ERBB4: variants seen among roughly 807,000 people sequenced by gnomAD.
The protein encoded by ERBB4 is receptor tyrosine-protein kinase erbB-4.
ERBB4 carries 42 observed loss-of-function variants against 158.0 expected under a neutral mutation model. That is an observed-to-expected ratio of 0.27 (90% CI 0.21 to 0.34). The LOEUF (loss-of-function observed/expected upper bound fraction) is 0.34. Ranked by LOEUF, ERBB4 falls within the 10% of genes least tolerant of loss-of-function variation. The pLI is 1.00. For synonymous variants in ERBB4, 583 were observed against 558.7 expected (o/e 1.04, Z -0.61); for missense variants, 1,333 against 1,624.1 (o/e 0.82, Z 3.08).
chr2:211,564,780 G>C (rs2067500408), intron 19 of ERBB4, among the ~76,000 whole-genome samples: 1 of 152,110 alleles, frequency 6.6e-6, no homozygotes, highest in South Asian at 2.1e-4. Context: ...TAGAATAAAA[G>C]CTATACAACA....
intron 1 of ERBB4, among the ~76,000 whole-genome samples, chr2:212,180,111 T>C (rs182816760): frequency 6.6e-6 from 1 of 151,720 alleles, no homozygotes; most frequent in East Asian, 1.9e-4. Context: ...CCAAAATAAT[T>C]GGTTTTGCTG....
chr2:212,327,820 C>A lies in ERBB4; in HGVS notation c.83-202917G>T, dbSNP rs189737989. Among the ~76,000 whole-genome samples, 275 of 139,852 alleles carry A rather than the reference C, an allele frequency of 2.0e-3. 2 individuals carry two copies. The highest frequency in any genetic ancestry group is 7.0e-3 in the African/African-American group (265 of 37,714). 91.7% of individuals were successfully genotyped at this position (139,852 alleles called of 152,430 possible). On this transcript the variant is annotated intron_variant, in intron 1 of 27. Transcript: ENST00000342788. ...GTCATAAAAATTATTGGATTGTACA[C>A]TTAAAAAGCATAGATTTTATATGTA...
intron 3 of ERBB4, among the ~76,000 whole-genome samples, chr2:211,891,669 TAAAG>T (rs1319278456): frequency 2.5e-5 from 3 of 121,142 alleles, no homozygotes; most frequent in Non-Finnish European, 5.1e-5. Context: ...GCAAGACTAA[TAAAG>T]AAAAAAAGAG....
intron 19 of ERBB4, among the ~76,000 whole-genome samples, chr2:211,610,342 T>C (rs2069147169): frequency 6.6e-6 from 1 of 152,316 alleles, no homozygotes; most frequent in Non-Finnish European, 1.5e-5. Context: ...CAGGACTTTA[T>C]GCAGATAGTC....
chr2:212,142,447 T>C (rs931027963), intron 1 of ERBB4, among the ~76,000 whole-genome samples: 1 of 151,732 alleles, frequency 6.6e-6, no homozygotes, highest in Non-Finnish European at 1.5e-5. Flanking sequence ...ACCCAAATGT[T>C]ATTTCTGATG....
chr2:212,091,073 T>C (rs1474356159), intron 2 of ERBB4, among the ~76,000 whole-genome samples: 1 of 152,054 alleles, frequency 6.6e-6, no homozygotes, highest in Non-Finnish European at 1.5e-5. Context: ...AAACTGACAA[T>C]GACACATACC....
intron 1 of ERBB4, among the ~76,000 whole-genome samples, chr2:212,208,376 T>C (rs1310472648): frequency 6.6e-6 from 1 of 152,126 alleles, no homozygotes; most frequent in Non-Finnish European, 1.5e-5. Flanking sequence ...TCTTAGTATA[T>C]AATACTATAC....
intron 1 of ERBB4, among the ~76,000 whole-genome samples, chr2:212,535,673 T>C (rs1162651569): frequency 6.6e-6 from 1 of 152,214 alleles, no homozygotes; most frequent in Non-Finnish European, 1.5e-5. Flanking sequence ...GGCTTTATAA[T>C]TGCCATATAA....
Position 211,861,124 on chromosome 2 carries a change from T to TTATATA in ERBB4, c.422-72971_422-72966dup, listed in dbSNP as rs143515103. On this transcript the variant is annotated intron_variant, in intron 3 of 27. Coordinates refer to ENST00000342788, the MANE Select transcript of ERBB4 (RefSeq NM_005235.3). ...CATTATATATATTTATATATATATTTTATATATATATATATATATATATAT... is the reference window on the plus strand; with the variant it reads ...CATTATATATATTTATATATATATTTTATATATATATATATATATATATATATATAT... Among the ~76,000 whole-genome samples, 76 of 20,258 alleles carry TTATATA rather than the reference T, an allele frequency of 3.8e-3. 3 individuals are homozygous for TTATATA. Among genetic ancestry groups the TTATATA allele is most frequent in the African/African-American group, 6.4e-3 (28 of 4,396 alleles). 13.3% of individuals were successfully genotyped at this position (20,258 alleles called of 152,430 possible).
Position 211,676,940 on chromosome 2 carries a change from C to G in ERBB4, c.1622+2112G>C, listed in dbSNP as rs548312940. Among the ~76,000 whole-genome samples the G allele has an allele frequency of 3.4e-4, 52 of 152,206 alleles. 1 individual carries two copies. In the South Asian group the frequency reaches 0.011, roughly 31 times the overall value. On this transcript the variant is annotated intron_variant, in intron 13 of 27. Coordinates refer to ENST00000342788, the MANE Select transcript of ERBB4 (RefSeq NM_005235.3). ...AAATATGATTCAATGAGACAAGCAG[C>G]AAATAATTTCCAATTCATTTCCAAA...
At chr2:211,987,724 T>C (rs956803827) in intron 2 of ERBB4, among the ~76,000 whole-genome samples, 1 of 152,200 alleles carries the variant, frequency 6.6e-6, no homozygotes, top group Non-Finnish European at 1.5e-5. Flanking sequence ...TTGTTTCTCA[T>C]TTATTTCCAA....
At chr2:211,953,299 G>A (rs745937722) in intron 2 of ERBB4, among the ~76,000 whole-genome samples, 1 of 151,500 alleles carries the variant, frequency 6.6e-6, no homozygotes, top group African/African-American at 2.4e-5. Flanking sequence ...CGGGTTGATG[G>A]GTACAGCAAA....
intron 1 of ERBB4, among the ~76,000 whole-genome samples, chr2:212,388,058 A>C (rs1202290504): frequency 6.6e-6 from 1 of 152,124 alleles, no homozygotes; most frequent in African/African-American, 2.4e-5. Context: ...ATATGCCGTT[A>C]GAGAGAATAT....
At chr2:212,239,896 A>T (rs150459858) in intron 1 of ERBB4, among the ~76,000 whole-genome samples, 1 of 152,332 alleles carries the variant, frequency 6.6e-6, no homozygotes, top group East Asian at 1.9e-4. Flanking sequence ...ATCAAGTTAA[A>T]TCGAAAATAT....
At chr2:211,875,423 C>T (rs1170028047) in intron 3 of ERBB4, among the ~76,000 whole-genome samples, 1 of 151,748 alleles carries the variant, frequency 6.6e-6, no homozygotes, top group Non-Finnish European at 1.5e-5. Context: ...CTTTATTTGC[C>T]CTTTTAGAAT....
At chr2:211,952,006 T>C (rs1222243335) in intron 2 of ERBB4, among the ~76,000 whole-genome samples, 1 of 151,940 alleles carries the variant, frequency 6.6e-6, no homozygotes, top group South Asian at 2.1e-4. Context: ...ATGTAAATAA[T>C]AGAAAAAAAA....
chr2:212,443,245 C>T (rs368833861), intron 1 of ERBB4, among the ~76,000 whole-genome samples: 2 of 152,214 alleles, frequency 1.3e-5, no homozygotes, highest in East Asian at 3.9e-4. Context: ...CACTTTTCAT[C>T]TCCACAAGAT....
At chr2:211,913,637 G>A (rs1483987260) in intron 3 of ERBB4, among the ~76,000 whole-genome samples, 8 of 137,074 alleles carry the variant, frequency 5.8e-5, no homozygotes, top group African/African-American at 1.8e-4. Flanking sequence ...GTGTGTGTGT[G>A]TGTGTGTGTG....
At chr2:211,839,148 A>AGG (rs2077409142) in intron 3 of ERBB4, among the ~76,000 whole-genome samples, 2 of 96,748 alleles carry the variant, frequency 2.1e-5, no homozygotes, top group Admixed American at 2.4e-4. Context: ...AGAGGGAGAG[A>AGG]GAGAAGGAGG....
Sources: allele counts gnomAD v4.1 joint callset (sites outside exome capture counted in the v4.1 genomes callset), GRCh38; gene constraint gnomAD v4.1.1; transcripts MANE v1.5; gene names NCBI Gene and HGNC (gene_info 2026-07-23, HGNC 2026-07-21).